IGSF11: variants seen among roughly 807,000 people sequenced by gnomAD.
The protein encoded by IGSF11 is immunoglobulin superfamily member 11, also known as CXADR like 1.
In IGSF11, 22 loss-of-function variants were observed where a neutral mutation model predicts 41.0. The ratio of observed to expected loss-of-function variants is 0.54; its 90% confidence interval spans 0.38 to 0.77. The LOEUF is 0.77. Among genes scored for constraint, IGSF11 ranks in the 30% least tolerant of loss-of-function variants. The pLI is 0.00. For synonymous variants in IGSF11, 219 were observed against 201.3 expected (o/e 1.09, Z -0.74); for missense variants, 444 against 530.8 (o/e 0.84, Z 1.61).
chr3:118,927,849 T>A (rs1201502958), intron 3 of IGSF11, among the ~76,000 whole-genome samples: 1 of 152,226 alleles, frequency 6.6e-6, no homozygotes, highest in Non-Finnish European at 1.5e-5. Flanking sequence ...TGGATATTAG[T>A]GTGAGACAGT....
intron 1 of IGSF11, among the ~76,000 whole-genome samples, chr3:119,112,318 C>T (rs1416169861): frequency 6.6e-6 from 1 of 152,158 alleles, no homozygotes; most frequent in African/African-American, 2.4e-5. Context: ...CTCCCCCAGC[C>T]TCTCTGCCAC....
chr3:119,035,160 G>A (rs1940831464), upstream of IGSF11, among the ~76,000 whole-genome samples: 1 of 152,240 alleles, frequency 6.6e-6, no homozygotes, highest in African/African-American at 2.4e-5. Flanking sequence ...CAAACAGGTG[G>A]TGTCGGCCTG....
chr3:118,923,409 A>G (rs1942010033), intron 4 of IGSF11, among the ~76,000 whole-genome samples: 1 of 152,202 alleles, frequency 6.6e-6, no homozygotes, highest in African/African-American at 2.4e-5. Flanking sequence ...ACAAAGACAC[A>G]TTTTATGTAA....
At chr3:118,958,442 A>G (rs901100312) in intron 1 of IGSF11, among the ~76,000 whole-genome samples, 3 of 152,180 alleles carry the variant, frequency 2.0e-5, no homozygotes, top group African/African-American at 7.2e-5. Flanking sequence ...ATCACGCTGT[A>G]TTCAGAGATG....
chr3:118,978,584 G>T (rs1934375617), intron 1 of IGSF11, among the ~76,000 whole-genome samples: 1 of 152,160 alleles, frequency 6.6e-6, no homozygotes, highest in Admixed American at 6.5e-5. Context: ...GAAGCCTGAA[G>T]ACTGGCATCC....
intron 1 of IGSF11, among the ~76,000 whole-genome samples, chr3:119,052,454 A>G (rs1477071447): frequency 1.3e-4 from 15 of 115,304 alleles, no homozygotes; most frequent in Non-Finnish European, 2.4e-4. Context: ...AGGGAGGAAG[A>G]GAGGGAGGGA....
chr3:119,091,993 TGG>T (rs56210576), intron 1 of IGSF11, among the ~76,000 whole-genome samples: 26,101 of 129,190 alleles, frequency 0.2, 2,975 homozygotes, highest in Non-Finnish European at 0.27. Flanking sequence ...TTGGTTTTTT[TGG>T]GGGGGGGGGG....
chr3:119,034,709 C>A lies in IGSF11; in HGVS notation c.-127G>T. ...CCACACCCAGCGCCGGGCCGCTGTT[C>A]CCCGCGCAGAGCTGGGACTGTCAGA... On this transcript the variant is annotated 5_prime_UTR_variant, in exon 1 of 7. Transcript: ENST00000393775. 1 of 1,385,116 alleles carries A rather than the reference C, an allele frequency of 7.2e-7. No individual in the cohort carries two copies. Among genetic ancestry groups the A allele is most frequent in the Non-Finnish European group, 9.4e-7 (1 of 1,064,568 alleles). 85.8% of individuals were successfully genotyped at this position (1,385,116 alleles called of 1,614,324 possible).
Position 119,034,507 on chromosome 3 carries a change from GAAGA to G in IGSF11, c.52+20_52+23del. 6.5e-7 allele frequency: 1 copy of G among 1,547,578 alleles called. No homozygotes were observed. The highest frequency in any genetic ancestry group is 8.7e-7 in the Non-Finnish European group (1 of 1,145,126). ...CGCCGACCCGGCCTGGCCCCACCGG[GAAGA>G]AAGGGCTGGAGCTACTCACCGTGCA... On this transcript the variant is annotated intron_variant, in intron 1 of 6. Transcript: ENST00000393775.
At chr3:119,073,087 C>G (rs149181160) in intron 1 of IGSF11, among the ~76,000 whole-genome samples, 148 of 152,250 alleles carry the variant, frequency 9.7e-4, no homozygotes, top group African/African-American at 3.5e-3. Context: ...TTGAGCTAGA[C>G]AGAGTGGTGA....
At chr3:119,116,212 G>T (rs1402785741) in intron 1 of IGSF11, among the ~76,000 whole-genome samples, 3 of 152,120 alleles carry the variant, frequency 2.0e-5, no homozygotes, top group Non-Finnish European at 4.4e-5. Context: ...AATCCATTGA[G>T]GTCCTGAACA....
chr3:119,140,870 C>A (rs1253398937), intron 1 of IGSF11, among the ~76,000 whole-genome samples: 1 of 131,432 alleles, frequency 7.6e-6, no homozygotes, highest in African/African-American at 3.5e-5. Flanking sequence ...ATGGCGAAAC[C>A]CCATCTCTAC....
chr3:118,926,363 T>G (rs1011267221), intron 3 of IGSF11, 107 bp from the exon 4 acceptor site: 16 of 891,516 alleles, frequency 1.8e-5, no homozygotes, highest in African/African-American at 3.5e-5. Flanking sequence ...TACACTGTTT[T>G]GGGAACATAT....
upstream of IGSF11, among the ~76,000 whole-genome samples, chr3:119,107,391 A>G (rs2077051175): frequency 6.6e-6 from 1 of 152,206 alleles, no homozygotes; most frequent in African/African-American, 2.4e-5. Context: ...TCTTCTTTTG[A>G]GAAGTGTCTG....
chr3:119,099,808 A>G (rs964615842), intron 1 of IGSF11, among the ~76,000 whole-genome samples: 4 of 152,184 alleles, frequency 2.6e-5, no homozygotes, highest in African/African-American at 4.8e-5. Flanking sequence ...TTTTAGAAAA[A>G]CATTTTGCTG....
At chr3:118,947,635 A>T (rs568361539) in intron 1 of IGSF11, 2 of 152,304 alleles carry the variant, frequency 1.3e-5, no homozygotes, top group African/African-American at 4.8e-5. Context: ...CCTCAAGCAT[A>T]CTTCTCAATG....
At chr3:118,905,868 T>C (rs2107470228) in intron 4 of IGSF11, 150 bp from the exon 5 acceptor site, 2 of 823,994 alleles carry the variant, frequency 2.4e-6, no homozygotes, top group African/African-American at 3.5e-5. Context: ...TATTGGTTCA[T>C]GAATGTTAAA....
intron 1 of IGSF11, among the ~76,000 whole-genome samples, chr3:119,126,153 T>C (rs1379962039): frequency 1.3e-5 from 2 of 152,166 alleles, no homozygotes; most frequent in African/African-American, 2.4e-5. Flanking sequence ...TGACACCCAT[T>C]TCTATAGCTC....
intron 1 of IGSF11, among the ~76,000 whole-genome samples, chr3:119,055,881 T>C (rs1941812331): frequency 6.6e-6 from 1 of 152,120 alleles, no homozygotes; most frequent in Non-Finnish European, 1.5e-5. Flanking sequence ...ACTGGGTACA[T>C]AACGAAATGA....
Sources: allele counts gnomAD v4.1 joint callset (sites outside exome capture counted in the v4.1 genomes callset), GRCh38; gene constraint gnomAD v4.1.1; transcripts MANE v1.5; gene names NCBI Gene and HGNC (gene_info 2026-07-23, HGNC 2026-07-21).